Variants in FARP1 observed in about 807,000 individuals in gnomAD.
FARP1 encodes FERM, ARH/RhoGEF and pleckstrin domain protein 1, also known as FERM, ARHGEF and pleckstrin domain-containing protein 1.
A neutral mutation model predicts 128.8 loss-of-function variants in FARP1; 52 were observed. The ratio of observed to expected loss-of-function variants is 0.40; its 90% CI spans 0.32 to 0.51. The LOEUF is 0.51. Ranked by LOEUF, FARP1 falls within the 20% of genes least tolerant of loss-of-function variation. The probability of loss-of-function intolerance (pLI) is 0.45; values close to 1 mark genes in which losing one functional copy is unlikely to be tolerated. For synonymous variants in FARP1, 580 were observed against 551.8 expected, an observed-to-expected ratio of 1.05 and a Z score of -0.72; for missense variants, 1,333 against 1,367.9, an observed-to-expected ratio of 0.97 and a Z score of 0.40.
Position 98,409,564 on chromosome 13 carries a change from G to A in FARP1, c.1602+39G>A, listed in dbSNP as rs748307675. 3.3e-6 allele frequency: 5 copies of A among 1,505,880 alleles called. No individual in the cohort carries two copies. The African/African-American group carries it at 7.0e-5, about 21-fold the overall frequency. The allele number at this position is 1,505,880 out of a possible 1,614,324, so 93.3% of individuals were successfully genotyped here. On this transcript the variant is annotated intron_variant, in intron 14 of 26. Coordinates refer to ENST00000319562, the MANE Select transcript of FARP1 (RefSeq NM_005766.4). ...GGCTCAAGCGCGTGTGTGGCTGTGT[G>A]TGCACGTGTGTTTGTGTGAATTTTA...
rs3736866 is a variant in FARP1 at position 98,409,388 on chromosome 13, G to A, written c.1465G>A (p.Gly489Arg). The change falls in exon 14 of 27, where the codon GGG (glycine) becomes AGG (arginine). Residue 489 changes from glycine (G) to arginine (R), a missense_variant. By Grantham distance (125) the Gly-to-Arg change is moderately radical. This residue lies in a region of FARP1 where 1,009 missense variants were observed against 969.8 expected (regional missense o/e 1.04). Transcript: ENST00000319562. Reference protein sequence around the residue: ...HLSELSVNSQGGVAPANVTLS... With the variant: ...HLSELSVNSQRGVAPANVTLS... ...TTCCGAGCTGTCTGTGAACTCGCAG[G>A]GGGGAGTGGCCCCTGCCAACGTGAC... 4.3e-5 allele frequency: 69 copies of A among 1,614,034 alleles called. 2 individuals are homozygous for A. In the South Asian group the frequency reaches 5.8e-4, roughly 14 times the overall value.
chr13:98,234,547 C>T (rs991982326), intron 2 of FARP1: 13 of 152,132 alleles, frequency 8.5e-5, no homozygotes, highest in South Asian at 2.1e-4. Flanking sequence ...TTTCACAATA[C>T]TTTGTGTAGT....
chr13:98,396,517 C>G (rs1455503983), intron 13 of FARP1: 1 of 399,164 alleles, frequency 2.5e-6, no homozygotes, highest in Non-Finnish European at 4.4e-6. Context: ...GTCTTCAGCC[C>G]GAGCAACCTG....
chr13:98,375,781 A>T (rs991110435), intron 5 of FARP1, among the ~76,000 whole-genome samples: 2 of 152,040 alleles, frequency 1.3e-5, no homozygotes, highest in African/African-American at 4.8e-5. Flanking sequence ...GGGGCGCATC[A>T]CCACACCCGG....
intron 2 of FARP1, among the ~76,000 whole-genome samples, chr13:98,216,651 A>G (rs1440710747): frequency 1.3e-5 from 2 of 152,184 alleles, no homozygotes; most frequent in East Asian, 3.8e-4. Context: ...CCTGGAACAA[A>G]GAACCACACC....
At chr13:98,177,276 C>T in intron 1 of FARP1, 3 of 1,483,008 alleles carry the variant, frequency 2.0e-6, no homozygotes, top group Non-Finnish European at 1.8e-6. Context: ...GCGTGCGTCA[C>T]CCTTGCGTCG....
chr13:98,349,938 C>A lies in FARP1; in HGVS notation c.276+6072C>A, dbSNP rs1006490276. Among the ~76,000 whole-genome samples, 20 of 152,242 alleles carry A rather than the reference C, an allele frequency of 1.3e-4. 1 individual carries two copies. Among genetic ancestry groups the A allele is most frequent in the Admixed American group, 1.1e-3 (17 of 15,288 alleles). ...CTAGACCCTGCTGGAGTCAGACACA[C>A]CTCCTTCATCTGTGCTTAGCCGCAG... On this transcript the variant is annotated intron_variant, in intron 3 of 26. Transcript: ENST00000319562.
chr13:98,219,992 T>A (rs1009813549), intron 2 of FARP1, among the ~76,000 whole-genome samples: 3 of 152,180 alleles, frequency 2.0e-5, no homozygotes, highest in African/African-American at 7.2e-5. Flanking sequence ...AATTTCTCTT[T>A]CAGCCATCTT....
At chr13:98,438,912 C>A in intron 20 of FARP1, 40 bp downstream of exon 20, 1 of 1,597,824 alleles carries the variant, frequency 6.3e-7, no homozygotes, top group Non-Finnish European at 8.6e-7. Context: ...AGGATTGTGT[C>A]ACCTGGGCAA....
At chr13:98,444,992 TG>T (rs1332003042) in intron 24 of FARP1, among the ~76,000 whole-genome samples, 1 of 152,170 alleles carries the variant, frequency 6.6e-6, no homozygotes, top group Non-Finnish European at 1.5e-5. Flanking sequence ...CTGCCTGGCC[TG>T]GAATGCCCTT....
At chr13:98,376,759 GTTTTTT>G (rs34686053) in intron 5 of FARP1, among the ~76,000 whole-genome samples, 2 of 103,446 alleles carry the variant, frequency 1.9e-5, no homozygotes, top group Non-Finnish European at 3.9e-5. Flanking sequence ...GGTTTTTTGT[GTTTTTT>G]TTTTTTTTTT....
Position 98,395,332 on chromosome 13 carries a change from T to C in FARP1, c.1270T>C (p.Ser424Pro), listed in dbSNP as rs2140071806. 6.2e-7 allele frequency: 1 copy of C among 1,609,986 alleles called. No individual in the cohort carries two copies. Among genetic ancestry groups the C allele is most frequent in the Non-Finnish European group, 8.5e-7 (1 of 1,177,690 alleles). ...EPKVSAGEPG[S>P]HPSPAPRRSP... ...GAAGGTTTCCGCCGGGGAGCCGGGG[T>C]CGCACCCGAGCCCTGCGCCGAGGAG... The change falls in exon 13 of 27, where the codon TCG (serine) becomes CCG (proline). Residue 424 changes from serine (S) to proline (P), a missense_variant. Coordinates refer to ENST00000319562, the MANE Select transcript of FARP1 (RefSeq NM_005766.4).
At chr13:98,438,230 C>T (rs1892367257) in intron 19 of FARP1, among the ~76,000 whole-genome samples, 1 of 152,172 alleles carries the variant, frequency 6.6e-6, no homozygotes, top group East Asian at 1.9e-4. Context: ...CTCCTTTATC[C>T]TCAACGCAGT....
At chr13:98,177,240 T>G in intron 1 of FARP1, 1 of 1,545,056 alleles carries the variant, frequency 6.5e-7, no homozygotes. Flanking sequence ...CTGCCATGTT[T>G]GAGTCTCAGG....
At chr13:98,338,463 C>T (rs964690136) in intron 2 of FARP1, 12 of 152,214 alleles carry the variant, frequency 7.9e-5, no homozygotes, top group African/African-American at 2.9e-4. Flanking sequence ...CTGTAAGTTT[C>T]ATTCATGATG....
intron 24 of FARP1, 146 bp from the exon 25 acceptor site, chr13:98,445,952 C>T: frequency 1.7e-6 from 1 of 599,252 alleles, no homozygotes; most frequent in Admixed American, 3.0e-5. Flanking sequence ...CCAAGTCTCC[C>T]CACACACGGG....
At chr13:98,395,720 C>G (rs1890509919) in intron 13 of FARP1, 2 of 434,808 alleles carry the variant, frequency 4.6e-6, no homozygotes, top group Admixed American at 4.1e-5. Flanking sequence ...GCGAAGTCCT[C>G]CCGGCCTCCT....
In FARP1 at chr13:98,174,734, C is replaced by T. The variant is rs114446051; in HGVS notation, c.-24+31242C>T. Among the ~76,000 whole-genome samples, 1,319 of 152,180 alleles carry T rather than the reference C, an allele frequency of 8.7e-3. 20 individuals carry two copies. Among genetic ancestry groups the T allele is most frequent in the African/African-American group, 0.03 (1,256 of 41,528 alleles). On this transcript the variant is annotated intron_variant, in intron 1 of 26. Coordinates refer to ENST00000319562, the MANE Select transcript of FARP1 (RefSeq NM_005766.4). ...TTTTCCCTGCTTGAATTACAATAAT[C>T]GATATGTTGATAGCACATACTGTAT...
At chr13:98,212,566 GATAGT>G (rs1880789611) in intron 1 of FARP1, among the ~76,000 whole-genome samples, 1 of 147,558 alleles carries the variant, frequency 6.8e-6, no homozygotes, top group Admixed American at 6.9e-5. Context: ...AATAACTGTT[GATAGT>G]ATAGTATAGT....
Sources: gnomAD v4.1 joint callset for allele counts (sites outside exome capture counted in the v4.1 genomes callset) on GRCh38, gnomAD v4.1.1 for gene constraint, gnomAD v4.1.1 regional missense constraint, MANE v1.5 for transcripts, NCBI Gene and HGNC (gene_info 2026-07-23, HGNC 2026-07-21) for gene names.